The following SEM1 variants were observed in gnomAD, a reference collection of about 807,000 sequenced individuals.
SEM1 encodes SEM1 26S proteasome subunit, also known as 26S proteasome complex subunit SEM1.
Under a neutral mutation model 12.7 loss-of-function variants are expected in SEM1, and 3 were observed. The ratio of observed to expected loss-of-function variants is 0.24; its 90% CI spans 0.11 to 0.61. The LOEUF is 0.61. SEM1 is among the 20% of genes least tolerant of loss of function. The probability of loss-of-function intolerance (pLI) is 0.88; values close to 1 mark genes in which losing one functional copy is unlikely to be tolerated. For synonymous variants in SEM1, 30 were observed against 27.8 expected (o/e 1.08, Z -0.25); for missense variants, 59 against 81.3 (o/e 0.73, Z 1.06).
chr7:96,589,250 C>T (rs1188978147), intron 2 of SEM1, among the ~76,000 whole-genome samples: 1 of 152,170 alleles, frequency 6.6e-6, no homozygotes, highest in African/African-American at 2.4e-5. Context: ...CATGCCTGGA[C>T]AGAGTGGCGC....
intron 2 of SEM1, among the ~76,000 whole-genome samples, chr7:96,551,319 G>A (rs966991929): frequency 9.9e-5 from 15 of 152,080 alleles, no homozygotes; most frequent in African/African-American, 3.4e-4. Context: ...TTGGAAAAGG[G>A]CTTTGCAGAT....
chr7:96,632,500 C>A (rs1808292563), intron 2 of SEM1, among the ~76,000 whole-genome samples: 1 of 151,892 alleles, frequency 6.6e-6, no homozygotes, highest in African/African-American at 2.4e-5. Flanking sequence ...GGGAGCTGAA[C>A]AATGAGAACG....
At chr7:96,703,704 CTGGGAAGACTGA>C (rs1790344623) in intron 1 of SEM1, among the ~76,000 whole-genome samples, 1 of 151,790 alleles carries the variant, frequency 6.6e-6, no homozygotes, top group African/African-American at 2.4e-5. Context: ...ATCCCAGCAC[CTGGGAAGACTGA>C]TGGGAAGACT....
intron 1 of SEM1, among the ~76,000 whole-genome samples, chr7:96,488,990 A>G (rs1421923292): frequency 6.6e-6 from 1 of 152,048 alleles, no homozygotes; most frequent in Non-Finnish European, 1.5e-5. Context: ...TACAATCTTA[A>G]TGTAGAGTCT....
intron 2 of SEM1, among the ~76,000 whole-genome samples, chr7:96,648,100 G>A (rs1457421576): frequency 6.6e-6 from 1 of 152,162 alleles, no homozygotes; most frequent in Admixed American, 6.5e-5. Context: ...ATATTCACAG[G>A]GAAAAATGCT....
downstream of SEM1, among the ~76,000 whole-genome samples, chr7:96,669,877 T>C (rs1372318464): frequency 1.3e-5 from 2 of 152,220 alleles, no homozygotes; most frequent in African/African-American, 4.8e-5. Context: ...ATGATCACTA[T>C]TTGTTGACAC....
rs1382138822 is a variant in SEM1 at position 96,704,839 on chromosome 7, T to C, written c.76+4849A>G. Among the ~76,000 whole-genome samples the C allele has an allele frequency of 3.3e-5, 5 of 152,358 alleles. No homozygotes were observed. In the East Asian group the frequency reaches 9.6e-4, roughly 29 times the overall value. On this transcript the variant is annotated intron_variant, in intron 1 of 2. Coordinates refer to ENST00000248566, the MANE Select transcript of SEM1 (RefSeq NM_006304.2). ...CATTTAAGATTCTAAGGAATCCTCC[T>C]ATTGAATGTTTAGTCCTGTTGGTAT...
intron 1 of SEM1, chr7:96,697,241 A>G (rs949004946): frequency 4.6e-5 from 7 of 151,838 alleles, no homozygotes; most frequent in African/African-American, 9.7e-5. Context: ...TGCCTAATAC[A>G]TAAGTTTCTA....
chr7:96,605,271 G>A (rs777321163), intron 2 of SEM1, among the ~76,000 whole-genome samples: 10 of 152,110 alleles, frequency 6.6e-5, no homozygotes, highest in Non-Finnish European at 1.5e-4. Context: ...GCATTCGTGA[G>A]GTACAGAGGC....
chr7:96,558,814 A>C (rs1047048894), intron 2 of SEM1, among the ~76,000 whole-genome samples: 4 of 152,228 alleles, frequency 2.6e-5, no homozygotes, highest in African/African-American at 9.6e-5. Context: ...AAAACATTTC[A>C]TCAGGATCCA....
chr7:96,517,567 T>C lies in SEM1; in HGVS notation c.171-10869A>G, dbSNP rs144606463. The stretch of plus-strand genomic sequence containing the variant: ...CATATGTCTATAATCACTAGCGAGA[T>C]GGGGAAACTTCATATTTCTGGACAT... On this transcript the variant is annotated intron_variant and NMD_transcript_variant, in intron 2 of 3. Coordinates refer to the SEM1 transcript ENST00000466986. Among the ~76,000 whole-genome samples the C allele has an allele frequency of 1.8e-4, 28 of 152,240 alleles. No individual in the cohort carries two copies. In the East Asian group the frequency reaches 4.5e-3, roughly 24 times the overall value.
Position 96,524,221 on chromosome 7 carries a change from T to C in SEM1, c.171-17523A>G, listed in dbSNP as rs530906041. Among the ~76,000 whole-genome samples, 5 of 152,154 alleles carry C rather than the reference T, an allele frequency of 3.3e-5. No homozygotes were observed. In the South Asian group the frequency reaches 8.3e-4, roughly 25 times the overall value. ...ATTTCTACATCCGCCATTTCATACC[T>C]TTATTTCTCTCCTCCGAATTCTCAA... On this transcript the variant is annotated intron_variant and NMD_transcript_variant, in intron 2 of 3. Coordinates refer to the SEM1 transcript ENST00000466986.
intron 2 of SEM1, among the ~76,000 whole-genome samples, chr7:96,616,819 G>T (rs1487030948): frequency 6.6e-6 from 1 of 151,964 alleles, no homozygotes; most frequent in African/African-American, 2.4e-5. Context: ...TATCACCACT[G>T]CTTATTTTTA....
chr7:96,700,495 G>C (rs1311123218), intron 1 of SEM1, among the ~76,000 whole-genome samples: 1 of 151,972 alleles, frequency 6.6e-6, no homozygotes. Flanking sequence ...TCTACAGGTG[G>C]GTTCCATATC....
chr7:96,536,635 T>G (rs930317091), intron 2 of SEM1, among the ~76,000 whole-genome samples: 4 of 151,836 alleles, frequency 2.6e-5, no homozygotes. Context: ...TTATATCTTC[T>G]TAGAGAACTG....
intron 2 of SEM1, among the ~76,000 whole-genome samples, chr7:96,680,722 C>A (rs142173935): frequency 9.7e-4 from 147 of 152,174 alleles, no homozygotes; most frequent in African/African-American, 3.4e-3. Flanking sequence ...AGCGATTCTA[C>A]CTGACCAGTG....
chr7:96,689,469 T>C (rs1442732307), intron 2 of SEM1, among the ~76,000 whole-genome samples: 6 of 152,194 alleles, frequency 3.9e-5, no homozygotes, highest in Non-Finnish European at 1.5e-5. Context: ...GCTCTAACCT[T>C]ATTTGCCACA....
intron 2 of SEM1, among the ~76,000 whole-genome samples, chr7:96,668,290 A>T (rs1789223279): frequency 6.6e-6 from 1 of 152,160 alleles, no homozygotes; most frequent in Non-Finnish European, 1.5e-5. Flanking sequence ...ATAAATTTTG[A>T]CAATTTAGTA....
chr7:96,613,370 AAC>A (rs796913638), intron 2 of SEM1, among the ~76,000 whole-genome samples: 9 of 152,330 alleles, frequency 5.9e-5, no homozygotes, highest in African/African-American at 2.2e-4. Context: ...GAAAACCTAT[AAC>A]ACATTTATTT....
Sources: gnomAD v4.1 joint callset for allele counts (sites outside exome capture counted in the v4.1 genomes callset) on GRCh38, gnomAD v4.1.1 for gene constraint, MANE v1.5 for transcripts, NCBI Gene and HGNC (gene_info 2026-07-23, HGNC 2026-07-21) for gene names.